SLF1: variants seen among roughly 807,000 people sequenced by gnomAD.
SLF1 encodes SMC5/6 complex localization factor 1.
SLF1 carries 105 observed loss-of-function variants against 123.0 expected under a neutral mutation model. The observed-to-expected ratio is 0.85, with a 90% CI of 0.73 to 1.00. SLF1 has a LOEUF of 1.00. Among genes scored for constraint, SLF1 ranks in the 50% least tolerant of loss-of-function variants. The pLI is 0.00. For missense variants in SLF1, 1,239 were observed against 1,223.0 expected (o/e 1.01, Z -0.20); for synonymous variants, 434 against 406.6 (o/e 1.07, Z -0.81).
chr5:94,655,631 T>G (rs1370348193), intron 9 of SLF1, among the ~76,000 whole-genome samples: 1 of 152,106 alleles, frequency 6.6e-6, no homozygotes, highest in Non-Finnish European at 1.5e-5. Context: ...TTCATCAGTG[T>G]TTTTTCGTTT....
chr5:94,653,014 C>A (rs1041493060), intron 7 of SLF1, among the ~76,000 whole-genome samples: 1 of 152,146 alleles, frequency 6.6e-6, no homozygotes, highest in Admixed American at 6.5e-5. Flanking sequence ...TGTGCCACCA[C>A]GCCTGGCTAA....
chr5:94,656,882 C>G (rs187434186), intron 9 of SLF1, among the ~76,000 whole-genome samples: 57 of 150,314 alleles, frequency 3.8e-4, no homozygotes, highest in Admixed American at 1.2e-3. Context: ...CTTTGTTAGT[C>G]TTGCTAATGG....
intron 4 of SLF1, among the ~76,000 whole-genome samples, chr5:94,638,470 G>A (rs181580548): frequency 6.7e-4 from 102 of 152,212 alleles, no homozygotes; most frequent in African/African-American, 2.3e-3. Flanking sequence ...GAGCCACCAC[G>A]CCTGGCCTCC....
intron 5 of SLF1, 50 bp from the exon 6 acceptor site, chr5:94,649,404 A>G (rs548523447): frequency 1.5e-6 from 2 of 1,360,036 alleles, no homozygotes; most frequent in East Asian, 2.6e-5. Flanking sequence ...CGTACATAAT[A>G]TTGAAAATAC....
At chr5:94,688,965 A>C (rs1752758171) in intron 17 of SLF1, among the ~76,000 whole-genome samples, 1 of 152,220 alleles carries the variant, frequency 6.6e-6, no homozygotes, top group African/African-American at 2.4e-5. Flanking sequence ...GCCATAATAT[A>C]GATGGGATTT....
chr5:94,626,606 T>C (rs973211895), intron 1 of SLF1, among the ~76,000 whole-genome samples: 6 of 152,186 alleles, frequency 3.9e-5, no homozygotes, highest in Admixed American at 2.0e-4. Flanking sequence ...TTTTATTGAG[T>C]AAACATTGTT....
chr5:94,681,976 A>G (rs1200300776), intron 15 of SLF1, among the ~76,000 whole-genome samples: 1 of 152,162 alleles, frequency 6.6e-6, no homozygotes, highest in East Asian at 1.9e-4. Flanking sequence ...CCTAGCTATA[A>G]CCAAATTTGA....
At chr5:94,638,737 G>C (rs566824004) in intron 4 of SLF1, among the ~76,000 whole-genome samples, 4 of 152,322 alleles carry the variant, frequency 2.6e-5, no homozygotes, top group Non-Finnish European at 5.9e-5. Flanking sequence ...CCCTCTCACA[G>C]TTTTTATGAA....
In SLF1 at chr5:94,643,255, A is replaced by G. The variant is rs1379618512; in HGVS notation, c.432-18A>G. The G allele has an allele frequency of 1.3e-6, 2 of 1,494,824 alleles. No individual in the cohort carries two copies. Among genetic ancestry groups the G allele is most frequent in the African/African-American group, 2.9e-5 (2 of 70,140 alleles). The allele number at this position is 1,494,824 out of a possible 1,614,324, so 92.6% of individuals were successfully genotyped here. On this transcript the variant is annotated intron_variant, in intron 4 of 20. Transcript: ENST00000265140. ...TCAAATTTTCTAATACTTTTATACC[A>G]TTTACATTTTTATTTAGAGTTTTGG...
intron 6 of SLF1, among the ~76,000 whole-genome samples, chr5:94,651,190 A>G (rs1747680843): frequency 6.6e-6 from 1 of 152,226 alleles, no homozygotes; most frequent in South Asian, 2.1e-4. Context: ...GCGATAGACC[A>G]TACCATATAG....
At chr5:94,669,527 C>G (rs1410372273) in intron 12 of SLF1, among the ~76,000 whole-genome samples, 5 of 151,860 alleles carry the variant, frequency 3.3e-5, no homozygotes, top group Non-Finnish European at 5.9e-5. Context: ...TAGCCACTAG[C>G]CATATCTATT....
chr5:94,624,849 A>G (rs748102221), intron 1 of SLF1, among the ~76,000 whole-genome samples: 2 of 152,116 alleles, frequency 1.3e-5, no homozygotes, highest in Admixed American at 6.6e-5. Context: ...TCTAAAATAC[A>G]TTAAAAATAT....
chr5:94,619,886 GCTTT>G (rs200680693), intron 1 of SLF1, among the ~76,000 whole-genome samples: 1,953 of 151,788 alleles, frequency 0.013, 27 homozygotes, highest in Non-Finnish European at 0.019. Context: ...TCCTTCCTTT[GCTTT>G]CTTTCTTTCT....
chr5:94,680,011 G>A (rs189696908), intron 15 of SLF1, among the ~76,000 whole-genome samples: 4 of 151,586 alleles, frequency 2.6e-5, no homozygotes, highest in Non-Finnish European at 5.9e-5. Flanking sequence ...GTTTTTTTGT[G>A]GTTCTTACCT....
Position 94,670,712 on chromosome 5 carries a change from A to G in SLF1, c.1662-131A>G, listed in dbSNP as rs543956526. 272 of 664,750 alleles carry G rather than the reference A, an allele frequency of 4.1e-4. 4 individuals are homozygous for G. In the South Asian group the frequency reaches 6.3e-3, roughly 15 times the overall value. The allele number at this position is 664,750 out of a possible 1,614,324, so 41.2% of individuals were successfully genotyped here. ...TTTTTATATTTTGTCCTTTATTATA[A>G]TTGTTATAATCTTTATATTTTATGA... On this transcript the variant is annotated intron_variant, in intron 13 of 20. Transcript: ENST00000265140.
At position 94,634,960 on chromosome 5, in the gene SLF1, T is replaced by G. The variant is rs73136329; in HGVS notation, c.431+4217T>G. Among the ~76,000 whole-genome samples, 378 of 152,314 alleles carry G rather than the reference T, an allele frequency of 2.5e-3. 3 individuals carry two copies. The highest frequency in any genetic ancestry group is 7.9e-3 in the African/African-American group (327 of 41,568). ...TTAACCCTTTTTTACACATATGGCTTGAAAATATTATCTCCTATTCCACAG... is the reference window on the plus strand; with the variant it reads ...TTAACCCTTTTTTACACATATGGCTGGAAAATATTATCTCCTATTCCACAG... On this transcript the variant is annotated intron_variant, in intron 4 of 20. Coordinates refer to ENST00000265140, the MANE Select transcript of SLF1 (RefSeq NM_032290.4).
At position 94,678,799 on chromosome 5, in the gene SLF1, T is replaced by G. The variant is rs1483619186; in HGVS notation, c.1828-9T>G. 1 of 1,605,912 alleles carries G rather than the reference T, an allele frequency of 6.2e-7. No homozygotes were observed. The highest frequency in any genetic ancestry group is 1.1e-5 in the South Asian group (1 of 89,584). Reference sequence around the variant, plus strand: ...ATATTTTAGTAATTTTTTTGTATCTTAATGTTAGGTCTTCAAACATGAACT... The same window carrying G: ...ATATTTTAGTAATTTTTTTGTATCTGAATGTTAGGTCTTCAAACATGAACT... On this transcript the variant is annotated splice_polypyrimidine_tract_variant and intron_variant, in intron 14 of 20. Coordinates refer to ENST00000265140, the MANE Select transcript of SLF1 (RefSeq NM_032290.4).
chr5:94,628,959 G>A, intron 2 of SLF1, 35 bp downstream of exon 2: 1 of 1,463,116 alleles, frequency 6.8e-7, no homozygotes, highest in Non-Finnish European at 9.2e-7. Flanking sequence ...AGATATATTT[G>A]AAAAATAACT....
chr5:94,638,336 G>T (rs546985103), intron 4 of SLF1, among the ~76,000 whole-genome samples: 1 of 151,964 alleles, frequency 6.6e-6, no homozygotes, highest in Non-Finnish European at 1.5e-5. Context: ...CCGCCACCAC[G>T]CCAGCTAATT....
Sources: allele counts gnomAD v4.1 joint callset (sites outside exome capture counted in the v4.1 genomes callset), GRCh38; gene constraint gnomAD v4.1.1; transcripts MANE v1.5; gene names NCBI Gene and HGNC (gene_info 2026-07-23, HGNC 2026-07-21).